Variants in PSD3 observed in about 807,000 individuals in gnomAD.
PSD3 encodes PH and SEC7 domain-containing protein 3.
In PSD3, 49 loss-of-function variants were observed where a neutral mutation model predicts 105.5. The observed-to-expected ratio is 0.46, with a 90% CI of 0.37 to 0.59. The LOEUF is 0.59. Ranked by LOEUF, PSD3 falls within the 20% of genes least tolerant of loss-of-function variation. The probability of loss-of-function intolerance (pLI) is 0.00; values close to 1 mark genes in which losing one functional copy is unlikely to be tolerated. For missense variants in PSD3, 1,561 were observed against 1,263.8 expected, an observed-to-expected ratio of 1.24 and a Z score of -3.57; for synonymous variants, 557 against 457.8, an observed-to-expected ratio of 1.22 and a Z score of -2.77.
At chr8:18,919,263 A>G (rs1820832463) in intron 2 of PSD3, among the ~76,000 whole-genome samples, 1 of 152,138 alleles carries the variant, frequency 6.6e-6, no homozygotes, top group African/African-American at 2.4e-5. Context: ...GCCAGCCAGG[A>G]AGGAGTTTCG....
At chr8:18,876,964 CA>C (rs1262882690) in intron 2 of PSD3, among the ~76,000 whole-genome samples, 1 of 152,090 alleles carries the variant, frequency 6.6e-6, no homozygotes, top group Non-Finnish European at 1.5e-5. Context: ...GTTTTTTGGC[CA>C]TTTGTGCATC....
chr8:18,668,865 C>T (rs1464382088), intron 9 of PSD3, among the ~76,000 whole-genome samples: 1 of 152,146 alleles, frequency 6.6e-6, no homozygotes, highest in African/African-American at 2.4e-5. Flanking sequence ...TAAAAGTAAA[C>T]AATGCTATCC....
intron 2 of PSD3, among the ~76,000 whole-genome samples, chr8:18,908,241 G>T (rs58967012): frequency 2.3e-3 from 356 of 152,140 alleles, no homozygotes; most frequent in African/African-American, 8.1e-3. Flanking sequence ...CCAGAAAGAG[G>T]GCAGTCACCC....
intron 2 of PSD3, among the ~76,000 whole-genome samples, chr8:18,884,963 G>A (rs1002075783): frequency 6.6e-6 from 1 of 152,172 alleles, no homozygotes; most frequent in Non-Finnish European, 1.5e-5. Context: ...CTGCAACTGT[G>A]CAGAGCACTG....
At chr8:18,863,748 G>C (rs927122837) in intron 4 of PSD3, among the ~76,000 whole-genome samples, 4 of 151,964 alleles carry the variant, frequency 2.6e-5, no homozygotes, top group African/African-American at 9.7e-5. Flanking sequence ...AAGACAAATA[G>C]ACACGCACTC....
chr8:18,738,742 A>G (rs1427894687), intron 9 of PSD3, among the ~76,000 whole-genome samples: 2 of 152,192 alleles, frequency 1.3e-5, no homozygotes, highest in African/African-American at 4.8e-5. Flanking sequence ...TCAAGGGCAG[A>G]CTATAGCTTG....
At chr8:18,631,762 A>C (rs1367539017) in intron 11 of PSD3, among the ~76,000 whole-genome samples, 21 of 151,962 alleles carry the variant, frequency 1.4e-4, no homozygotes, top group Admixed American at 1.4e-3. Flanking sequence ...TGCTAAGTCC[A>C]TGTCAAAGCC....
intron 15 of PSD3, among the ~76,000 whole-genome samples, chr8:18,545,358 A>G (rs1390392360): frequency 6.6e-6 from 1 of 152,188 alleles, no homozygotes; most frequent in Non-Finnish European, 1.5e-5. Flanking sequence ...GGCTGTTTCC[A>G]AAGGTCCCAC....
chr8:18,601,777 T>C (rs1804458987), intron 11 of PSD3, among the ~76,000 whole-genome samples: 1 of 152,140 alleles, frequency 6.6e-6, no homozygotes, highest in Non-Finnish European at 1.5e-5. Context: ...ATAAAATAAA[T>C]ATTCACTACA....
chr8:18,948,569 G>A (rs2129469895), intron 1 of PSD3, among the ~76,000 whole-genome samples: 1 of 152,288 alleles, frequency 6.6e-6, no homozygotes, highest in Non-Finnish European at 1.5e-5. Flanking sequence ...GAGACTACAG[G>A]CTCACACGAA....
At position 18,650,309 on chromosome 8, in the gene PSD3, C is replaced by G. The variant is rs773457136; in HGVS notation, c.2216+5333G>C. On this transcript the variant is annotated intron_variant, in intron 10 of 15. Transcript: ENST00000327040. ...CCATCCCAATCACAAAGAGTAATTA[C>G]TCACTTTGTTTATCACTTAGACTGG... 3.8e-4 allele frequency among the ~76,000 whole-genome samples: 58 copies of G among 151,584 alleles called. 1 individual carries two copies. Among genetic ancestry groups the G allele is most frequent in the Non-Finnish European group, 7.1e-4 (48 of 68,048 alleles).
In PSD3 at chr8:19,013,657, G is replaced by A. The variant is rs960413568; in HGVS notation, c.-74C>T. ...GGGGCCGCAGCCTCAGGGCGCGAGT[G>A]CCGGCGGCCAGCGCCGCGTGCTCTT... On this transcript the variant is annotated 5_prime_UTR_variant, in exon 1 of 16. Coordinates refer to ENST00000327040, the MANE Select transcript of PSD3 (RefSeq NM_015310.4). The A allele has an allele frequency of 4.4e-5, 54 of 1,215,250 alleles. No individual in the cohort carries two copies. Among genetic ancestry groups the A allele is most frequent in the Non-Finnish European group, 5.3e-5 (52 of 975,138 alleles). The allele number at this position is 1,215,250 out of a possible 1,614,324, so 75.3% of individuals were successfully genotyped here.
chr8:18,698,425 C>G (rs1476815475), intron 9 of PSD3, among the ~76,000 whole-genome samples: 2 of 152,110 alleles, frequency 1.3e-5, no homozygotes, highest in East Asian at 1.9e-4. Flanking sequence ...AGCCTCACAG[C>G]GTTCTTACAA....
intron 15 of PSD3, among the ~76,000 whole-genome samples, chr8:18,536,197 C>A (rs1799837766): frequency 6.6e-6 from 1 of 152,200 alleles, no homozygotes. Context: ...TAGATTCTGA[C>A]AGAATGTCAA....
At chr8:18,804,347 A>T in intron 6 of PSD3, 175 bp downstream of exon 6, 1 of 575,170 alleles carries the variant, frequency 1.7e-6, no homozygotes, top group Non-Finnish European at 2.9e-6. Flanking sequence ...TCTAAACCTG[A>T]CAAAATCCAA....
At chr8:18,759,013 G>A (rs73199963) in intron 9 of PSD3, among the ~76,000 whole-genome samples, 10,022 of 151,834 alleles carry the variant, frequency 0.066, 484 homozygotes, top group East Asian at 0.2. Context: ...CATTCATGGA[G>A]TGAAGCTTAT....
At chr8:18,807,298 A>G (rs1213150793) in intron 4 of PSD3, among the ~76,000 whole-genome samples, 1 of 152,194 alleles carries the variant, frequency 6.6e-6, no homozygotes, top group Non-Finnish European at 1.5e-5. Flanking sequence ...AAGTAGCTGC[A>G]AAGTCTCATA....
At chr8:18,668,732 A>C (rs76293297) in intron 9 of PSD3, among the ~76,000 whole-genome samples, 4,105 of 152,244 alleles carry the variant, frequency 0.027, 128 homozygotes, top group East Asian at 0.14. Context: ...CATACTTTAA[A>C]GTCAGTATTA....
chr8:18,999,502 T>C (rs1826256957), intron 1 of PSD3, among the ~76,000 whole-genome samples: 1 of 151,648 alleles, frequency 6.6e-6, no homozygotes, highest in Non-Finnish European at 1.5e-5. Context: ...TGGTTGTACT[T>C]GCTACCAAAA....
Sources: gnomAD v4.1 joint callset for allele counts (sites outside exome capture counted in the v4.1 genomes callset) on GRCh38, gnomAD v4.1.1 for gene constraint, MANE v1.5 for transcripts, NCBI Gene and HGNC (gene_info 2026-07-23, HGNC 2026-07-21) for gene names.